Variants in KCNH1 observed in about 807,000 individuals in gnomAD.
KCNH1 encodes potassium voltage-gated channel subfamily H member 1.
In KCNH1, 27 loss-of-function variants were observed where a neutral mutation model predicts 69.2. The ratio of observed to expected loss-of-function variants is 0.39; its 90% confidence interval spans 0.29 to 0.54. The LOEUF (loss-of-function observed/expected upper bound fraction) is 0.54. KCNH1 is among the 20% of genes least tolerant of loss of function. KCNH1 has a pLI of 0.68. For missense variants in KCNH1, 798 were observed against 1,261.6 expected, an observed-to-expected ratio of 0.63 and a Z score of 5.57; for synonymous variants, 456 against 487.7, an observed-to-expected ratio of 0.93 and a Z score of 0.86.
chr1:210,832,954 C>T (rs1006675134), intron 7 of KCNH1, among the ~76,000 whole-genome samples: 8 of 126,460 alleles, frequency 6.3e-5, no homozygotes, highest in East Asian at 4.0e-4. Flanking sequence ...AGTTAAATAA[C>T]GTTAGAGATG....
chr1:210,685,113 A>G (rs1163867437), intron 10 of KCNH1, among the ~76,000 whole-genome samples: 2 of 152,242 alleles, frequency 1.3e-5, no homozygotes, highest in Admixed American at 1.3e-4. Flanking sequence ...CCCTGAGTGC[A>G]GCATAAGCCA....
chr1:211,120,331 A>G (rs1691663456), intron 1 of KCNH1, among the ~76,000 whole-genome samples: 1 of 151,952 alleles, frequency 6.6e-6, no homozygotes, highest in African/African-American at 2.4e-5. Flanking sequence ...CTGGAGTTAC[A>G]GGTGTATGCC....
intron 10 of KCNH1, among the ~76,000 whole-genome samples, chr1:210,737,693 G>A (rs905885770): frequency 5.9e-5 from 9 of 152,156 alleles, no homozygotes; most frequent in Non-Finnish European, 1.2e-4. Flanking sequence ...CAACTCAGTA[G>A]CAACTTCATC....
intron 9 of KCNH1, among the ~76,000 whole-genome samples, chr1:210,795,244 G>A (rs553092397): frequency 3.3e-5 from 5 of 151,990 alleles, no homozygotes; most frequent in South Asian, 2.1e-4. Context: ...TGCAACCTCC[G>A]CTTCTGATCC....
intron 10 of KCNH1, among the ~76,000 whole-genome samples, chr1:210,759,966 G>T (rs540758244): frequency 6.6e-6 from 1 of 152,150 alleles, no homozygotes; most frequent in Non-Finnish European, 1.5e-5. Flanking sequence ...CCTGAGCTCC[G>T]CCTCCTATCA....
intron 6 of KCNH1, among the ~76,000 whole-genome samples, chr1:210,958,204 T>G (rs1688218608): frequency 6.6e-6 from 1 of 152,196 alleles, no homozygotes; most frequent in Non-Finnish European, 1.5e-5. Context: ...AATTCTGGGT[T>G]GAAAATTCTT....
intron 2 of KCNH1, 50 bp from the exon 3 acceptor site, chr1:211,103,652 T>TA: frequency 8.6e-7 from 1 of 1,165,894 alleles, no homozygotes; most frequent in Non-Finnish European, 1.3e-6. Flanking sequence ...TTCATTATTC[T>TA]ACAAGCATAT....
intron 7 of KCNH1, among the ~76,000 whole-genome samples, chr1:210,828,718 C>T (rs558570769): frequency 6.6e-5 from 10 of 152,270 alleles, no homozygotes; most frequent in Middle Eastern, 3.4e-3. Flanking sequence ...ACTAGGTTGT[C>T]CTTTCTAAAA....
intron 7 of KCNH1, among the ~76,000 whole-genome samples, chr1:210,845,064 T>A (rs1393622274): frequency 6.6e-6 from 1 of 152,046 alleles, no homozygotes; most frequent in Non-Finnish European, 1.5e-5. Context: ...AATAACCGGC[T>A]CTGAAATTGA....
rs1167584068 is a variant in KCNH1, at chr1:210,919,033, CATGT to C, written c.1462+603_1462+606del. The C allele has an allele frequency of 7.8e-6, 1 of 128,792 alleles. No individual in the cohort carries two copies. The highest frequency in any genetic ancestry group is 3.0e-5 in the African/African-American group (1 of 33,144). 8.0% of individuals were successfully genotyped at this position (128,792 alleles called of 1,614,324 possible). A position where few individuals can be genotyped will look rare whatever the true frequency, so the allele number is the denominator to read the frequency against. On this transcript the variant is annotated intron_variant, in intron 7 of 10. Transcript: ENST00000271751. The surrounding 1 kb of genome is among the most constrained non-coding windows in gnomAD (Gnocchi z 4.2). ...GCTATGTTCAAATTGACATGTAGGA[CATGT>C]AGCATGACGGCTATAGTTAATAATA...
intron 1 of KCNH1, among the ~76,000 whole-genome samples, chr1:211,115,207 T>C (rs59400538): frequency 0.015 from 2,272 of 152,292 alleles, 66 homozygotes; most frequent in African/African-American, 0.052. Context: ...GAGGCAGTTC[T>C]CGAACTCCTA....
At chr1:210,837,921 T>C (rs1574287183) in intron 7 of KCNH1, among the ~76,000 whole-genome samples, 1 of 152,300 alleles carries the variant, frequency 6.6e-6, no homozygotes, top group East Asian at 1.9e-4. Context: ...AAATGCTTTG[T>C]ACAATTTATA....
chr1:210,916,197 C>A (rs1003322074), intron 7 of KCNH1, among the ~76,000 whole-genome samples: 1 of 152,114 alleles, frequency 6.6e-6, no homozygotes, highest in African/African-American at 2.4e-5. Flanking sequence ...AAAGAGAACT[C>A]GGTAAATCTA....
At chr1:210,949,586 A>G (rs1220702886) in intron 6 of KCNH1, among the ~76,000 whole-genome samples, 1 of 151,876 alleles carries the variant, frequency 6.6e-6, no homozygotes, top group Non-Finnish European at 1.5e-5. Context: ...CTACTTTTCC[A>G]CCTCCCACAG....
intron 7 of KCNH1, among the ~76,000 whole-genome samples, chr1:210,817,160 C>T (rs1432167752): frequency 6.6e-6 from 1 of 152,064 alleles, no homozygotes; most frequent in African/African-American, 2.4e-5. Flanking sequence ...ATAATAATTA[C>T]CCAAAATAAT....
intron 9 of KCNH1, among the ~76,000 whole-genome samples, chr1:210,776,238 C>G (rs746202248): frequency 6.6e-6 from 1 of 152,162 alleles, no homozygotes; most frequent in Non-Finnish European, 1.5e-5. Flanking sequence ...TTCTCATCCT[C>G]TCTCCCATAC....
At chr1:210,854,333 C>T (rs1362404177) in intron 7 of KCNH1, among the ~76,000 whole-genome samples, 1 of 152,104 alleles carries the variant, frequency 6.6e-6, no homozygotes, top group African/African-American at 2.4e-5. Context: ...ACTCAGAGAA[C>T]AAATTGCTTC....
chr1:211,001,954 T>C (rs1049766962), intron 6 of KCNH1, among the ~76,000 whole-genome samples: 3 of 151,090 alleles, frequency 2.0e-5, no homozygotes, highest in Non-Finnish European at 2.9e-5. Flanking sequence ...TAGGTGGGAA[T>C]TGAACAATGA....
At chr1:211,057,689 G>A (rs181442580) in intron 5 of KCNH1, among the ~76,000 whole-genome samples, 8 of 151,714 alleles carry the variant, frequency 5.3e-5, no homozygotes, top group African/African-American at 1.9e-4. Context: ...AAGACAGAGA[G>A]AGAGAGAAAG....
Sources: allele counts gnomAD v4.1 joint callset (sites outside exome capture counted in the v4.1 genomes callset), GRCh38; gene constraint gnomAD v4.1.1; non-coding constraint Gnocchi (gnomAD v3.1); transcripts MANE v1.5; gene names NCBI Gene and HGNC (gene_info 2026-07-23, HGNC 2026-07-21).